ABLIM2: variants seen among roughly 807,000 people sequenced by gnomAD.
The protein encoded by ABLIM2 is actin binding LIM protein family member 2, also known as actin-binding LIM protein 2.
Under a neutral mutation model 97.7 loss-of-function variants are expected in ABLIM2, and 53 were observed. The ratio of observed to expected loss-of-function variants is 0.54; its 90% CI spans 0.44 to 0.68. The LOEUF (loss-of-function observed/expected upper bound fraction) is 0.68, where lower values mean the gene tolerates loss of function less well. Among genes scored for constraint, ABLIM2 ranks in the 30% least tolerant of loss-of-function variants. The pLI, the probability that ABLIM2 is intolerant of heterozygous loss-of-function variation, is 0.00. For synonymous variants in ABLIM2, 361 were observed against 345.8 expected (o/e 1.04, Z -0.49); for missense variants, 835 against 867.2 (o/e 0.96, Z 0.47).
Position 8,132,255 on chromosome 4 carries a change from T to G in ABLIM2, c.11-25618A>C, listed in dbSNP as rs1389612896. ...CTCACTCCCTGACAGCCCAGCGCTG[T>G]GGCTGCCACCCATCACGGGGGCATG... On this transcript the variant is annotated intron_variant, in intron 1 of 20. Transcript: ENST00000447017. This position sits in a 1 kb window ranked among gnomAD's most constrained non-coding sequence, Gnocchi z 8.0. 6.6e-6 allele frequency among the ~76,000 whole-genome samples: 1 copy of G among 152,074 alleles called. No individual in the cohort carries two copies. Among genetic ancestry groups the G allele is most frequent in the African/African-American group, 2.4e-5 (1 of 41,408 alleles).
At chr4:8,049,346 G>A (rs368425334) in intron 8 of ABLIM2, among the ~76,000 whole-genome samples, 6 of 152,266 alleles carry the variant, frequency 3.9e-5, no homozygotes, top group Admixed American at 1.3e-4. Context: ...TCTCACCTCC[G>A]CTGAGCACCC....
intron 20 of ABLIM2, among the ~76,000 whole-genome samples, chr4:7,977,093 GT>G (rs1263535814): frequency 2.3e-4 from 35 of 152,250 alleles, no homozygotes; most frequent in African/African-American, 8.2e-4. Flanking sequence ...CCTGGGGGTG[GT>G]TTCCCCCATG....
chr4:8,006,322 T>C (rs1174966345), intron 16 of ABLIM2, among the ~76,000 whole-genome samples: 1 of 152,114 alleles, frequency 6.6e-6, no homozygotes, highest in Non-Finnish European at 1.5e-5. Context: ...CAAACGTCAG[T>C]AGAAATTCTG....
At position 8,075,199 on chromosome 4, in the gene ABLIM2, A is replaced by T. The variant is rs1386370853; in HGVS notation, c.675+2429T>A. 6.6e-6 allele frequency among the ~76,000 whole-genome samples: 1 copy of T among 152,214 alleles called. No homozygotes were observed. Among genetic ancestry groups the T allele is most frequent in the East Asian group, 1.9e-4 (1 of 5,204 alleles). ...AGAAGCCGGTCATGAAAGACTACAT[A>T]TTTCATGATTCCATTCATATGAAAC... On this transcript the variant is annotated intron_variant, in intron 6 of 20. Coordinates refer to ENST00000447017, the MANE Select transcript of ABLIM2 (RefSeq NM_001130083.2). The surrounding 1 kb of genome is among the most constrained non-coding windows in gnomAD (Gnocchi z 4.4).
Position 7,983,563 on chromosome 4 carries a change from G to A in ABLIM2, c.1736-9C>T, listed in dbSNP as rs1200593731. On this transcript the variant is annotated splice_polypyrimidine_tract_variant and intron_variant, in intron 18 of 20. Transcript: ENST00000447017. ...CCCGCTTACCTTGTATTCTGTAAGA[G>A]AGAGAGAGCGGAGACCACGAAATGG... 6 of 1,612,970 alleles carry A rather than the reference G, an allele frequency of 3.7e-6. No homozygotes were observed. Among genetic ancestry groups the A allele is most frequent in the South Asian group, 1.1e-5 (1 of 90,726 alleles).
At chr4:8,126,525 C>A (rs1165729696) in intron 1 of ABLIM2, among the ~76,000 whole-genome samples, 3 of 151,874 alleles carry the variant, frequency 2.0e-5, no homozygotes, top group African/African-American at 7.3e-5. Flanking sequence ...ACCCCACAGG[C>A]CGCCTGGTCA....
chr4:8,089,128 T>A (rs1406686729), intron 3 of ABLIM2, among the ~76,000 whole-genome samples: 4 of 152,222 alleles, frequency 2.6e-5, no homozygotes, highest in African/African-American at 4.8e-5. Flanking sequence ...AAAGTCCGCC[T>A]CCGCAGCAAG....
intron 2 of ABLIM2, among the ~76,000 whole-genome samples, chr4:8,101,564 G>C (rs1190131736): frequency 1.3e-5 from 2 of 152,216 alleles, no homozygotes; most frequent in African/African-American, 4.8e-5. Flanking sequence ...CATCCTCAGG[G>C]ACAACTCCAC....
intron 1 of ABLIM2, among the ~76,000 whole-genome samples, chr4:8,135,785 G>A (rs1384862069): frequency 6.6e-6 from 1 of 152,246 alleles, no homozygotes; most frequent in Non-Finnish European, 1.5e-5. Context: ...CGGCAACATG[G>A]GCAAGGGGCC....
chr4:8,070,758 G>GTGGTTGAC (rs1811433080), intron 6 of ABLIM2, among the ~76,000 whole-genome samples: 1 of 152,152 alleles, frequency 6.6e-6, no homozygotes, highest in South Asian at 2.1e-4. Context: ...CTAGAAGGGA[G>GTGGTTGAC]TGGTTGACTG....
intron 8 of ABLIM2, among the ~76,000 whole-genome samples, 172 bp from the exon 9 acceptor site, chr4:8,045,413 G>C (rs1460738405): frequency 6.6e-6 from 1 of 152,242 alleles, no homozygotes; most frequent in African/African-American, 2.4e-5. Flanking sequence ...CACTTTGGGA[G>C]GCTGAGGTGG....
At chr4:8,059,780 C>A (rs2076771) in intron 7 of ABLIM2, among the ~76,000 whole-genome samples, 31,645 of 151,818 alleles carry the variant, frequency 0.21, 3,747 homozygotes, top group East Asian at 0.51. Context: ...GTGGTGCATG[C>A]CTGTAATCCC....
At chr4:8,100,417 T>A (rs1833924976) in intron 2 of ABLIM2, among the ~76,000 whole-genome samples, 1 of 152,116 alleles carries the variant, frequency 6.6e-6, no homozygotes, top group South Asian at 2.1e-4. Flanking sequence ...AAAATAGAGT[T>A]AGCAATACTG....
At chr4:8,119,317 C>G (rs905684865) in intron 1 of ABLIM2, among the ~76,000 whole-genome samples, 15 of 140,380 alleles carry the variant, frequency 1.1e-4, no homozygotes, top group African/African-American at 3.9e-4. Context: ...AGGTCTCGGG[C>G]TTCCTTCTTT....
rs570185103 is a variant in ABLIM2 at position 8,051,267 on chromosome 4, G to T, written c.822+2921C>A. ...GGAGTTATTAAGAAATTATTTTAGGGGCCGGGCGTGGTAGCTCACGCCTGT... is the reference window on the plus strand; with the variant it reads ...GGAGTTATTAAGAAATTATTTTAGGTGCCGGGCGTGGTAGCTCACGCCTGT... On this transcript the variant is annotated intron_variant, in intron 8 of 20. Coordinates refer to ENST00000447017, the MANE Select transcript of ABLIM2 (RefSeq NM_001130083.2). Among the ~76,000 whole-genome samples, 41 of 152,330 alleles carry T rather than the reference G, an allele frequency of 2.7e-4. No homozygotes were observed. The South Asian group carries it at 2.9e-3, about 11-fold the overall frequency.
At chr4:8,096,830 G>A (rs1473938991) in intron 3 of ABLIM2, among the ~76,000 whole-genome samples, 1 of 152,142 alleles carries the variant, frequency 6.6e-6, no homozygotes, top group Non-Finnish European at 1.5e-5. Flanking sequence ...CCCAGTCTCC[G>A]CAGCCAGCAC....
chr4:8,057,098 C>CT (rs11333108), intron 7 of ABLIM2, among the ~76,000 whole-genome samples: 199 of 130,142 alleles, frequency 1.5e-3, no homozygotes, highest in East Asian at 2.1e-3. Context: ...TTCTTTCTTT[C>CT]TTTTTTTTTT....
At chr4:7,971,643 T>C (rs1204353671) in intron 20 of ABLIM2, among the ~76,000 whole-genome samples, 1 of 152,024 alleles carries the variant, frequency 6.6e-6, no homozygotes, top group Non-Finnish European at 1.5e-5. Flanking sequence ...TCCAGGGCCA[T>C]CTCAGGTTTG....
At chr4:7,974,601 CATCCA>C (rs1409160113) in intron 20 of ABLIM2, among the ~76,000 whole-genome samples, 3,825 of 15,866 alleles carry the variant, frequency 0.24, 198 homozygotes, top group African/African-American at 0.41. Flanking sequence ...CCAATCCTAC[CATCCA>C]ATCCATCCAT....
Sources: allele counts gnomAD v4.1 joint callset (sites outside exome capture counted in the v4.1 genomes callset), GRCh38; gene constraint gnomAD v4.1.1; non-coding constraint Gnocchi (gnomAD v3.1); transcripts MANE v1.5; gene names NCBI Gene and HGNC (gene_info 2026-07-23, HGNC 2026-07-21).